KCNIP4: variants seen among roughly 807,000 people sequenced by gnomAD.
KCNIP4 encodes the protein Kv channel-interacting protein 4.
Under a neutral mutation model 34.0 loss-of-function variants are expected in KCNIP4, and 12 were observed. The ratio of observed to expected loss-of-function variants is 0.35; its 90% CI spans 0.23 to 0.57. The LOEUF (loss-of-function observed/expected upper bound fraction) is 0.57. Among genes scored for constraint, KCNIP4 ranks in the 20% least tolerant of loss-of-function variants. KCNIP4 has a pLI of 0.83. For missense variants in KCNIP4, 238 were observed against 311.7 expected (o/e 0.76, Z 1.78); for synonymous variants, 124 against 102.2 (o/e 1.21, Z -1.29).
At chr4:20,780,936 C>G (rs1055148103) in intron 3 of KCNIP4, among the ~76,000 whole-genome samples, 3 of 152,102 alleles carry the variant, frequency 2.0e-5, no homozygotes, top group East Asian at 1.9e-4. Flanking sequence ...TTTTCTTGCT[C>G]TTTGTTCTTT....
chr4:21,312,005 A>T lies in KCNIP4; in HGVS notation c.62-429296T>A, dbSNP rs573591542. ...ATTTGGTCTAGTTCCATGACTAGAC[A>T]ATATCCTTAATGATGAAGGATCAAC... On this transcript the variant is annotated intron_variant, in intron 1 of 8. Coordinates refer to ENST00000382152, the MANE Select transcript of KCNIP4 (RefSeq NM_025221.6). Among the ~76,000 whole-genome samples, 6 of 152,292 alleles carry T rather than the reference A, an allele frequency of 3.9e-5. No homozygotes were observed. In the South Asian group the frequency reaches 1.2e-3, roughly 32 times the overall value.
At chr4:21,786,688 C>T (rs1010435476) in intron 1 of KCNIP4, among the ~76,000 whole-genome samples, 4 of 151,728 alleles carry the variant, frequency 2.6e-5, no homozygotes, top group Non-Finnish European at 2.9e-5. Context: ...CTGCCTCAGC[C>T]TCCCGAGTAG....
intron 1 of KCNIP4, among the ~76,000 whole-genome samples, chr4:20,977,995 C>T (rs1333029934): frequency 6.6e-6 from 1 of 152,204 alleles, no homozygotes; most frequent in African/African-American, 2.4e-5. Flanking sequence ...TGACTATCCT[C>T]CCTTCCCTTC....
chr4:20,980,704 A>G (rs1164848950), intron 1 of KCNIP4, among the ~76,000 whole-genome samples: 1 of 152,078 alleles, frequency 6.6e-6, no homozygotes, highest in Non-Finnish European at 1.5e-5. Flanking sequence ...CCATGATGGT[A>G]CCATTGAGGT....
At position 21,097,409 on chromosome 4, in the gene KCNIP4, A is replaced by AT. The variant is rs548234805; in HGVS notation, c.62-214701dup. 5.9e-3 allele frequency among the ~76,000 whole-genome samples: 901 copies of AT among 152,092 alleles called. 9 individuals are homozygous for AT. The highest frequency in any genetic ancestry group is 9.9e-3 in the Non-Finnish European group (674 of 67,952). ...TTTTATTGTGCCTTGCAGATACCAC[A>AT]TTTTTTTTACAAACTAAAGATTTTT... On this transcript the variant is annotated intron_variant, in intron 1 of 8. Coordinates refer to ENST00000382152, the MANE Select transcript of KCNIP4 (RefSeq NM_025221.6).
intron 1 of KCNIP4, among the ~76,000 whole-genome samples, chr4:21,244,028 G>A (rs1409909555): frequency 6.6e-6 from 1 of 152,146 alleles, no homozygotes; most frequent in African/African-American, 2.4e-5. Flanking sequence ...TTGCTGAAAT[G>A]GCTTTCCATA....
chr4:20,775,229 T>C (rs1756271077), intron 3 of KCNIP4, among the ~76,000 whole-genome samples: 1 of 152,160 alleles, frequency 6.6e-6, no homozygotes. Context: ...TTTCAACATA[T>C]ATGGCGATTA....
intron 1 of KCNIP4, among the ~76,000 whole-genome samples, chr4:21,138,809 A>G (rs371776784): frequency 1.1e-4 from 17 of 152,136 alleles, no homozygotes; most frequent in African/African-American, 3.9e-4. Context: ...CTCGGCCGCC[A>G]TGGCTGGCTT....
chr4:21,453,248 G>A (rs1728662905), intron 1 of KCNIP4, among the ~76,000 whole-genome samples: 1 of 152,028 alleles, frequency 6.6e-6, no homozygotes, highest in South Asian at 2.1e-4. Context: ...AGAGGATAAT[G>A]ACTTAAAATT....
At position 21,543,805 on chromosome 4, in the gene KCNIP4, T is replaced by TTAAG. The variant is rs1476791529; in HGVS notation, c.61+404762_61+404765dup. Among the ~76,000 whole-genome samples the TTAAG allele has an allele frequency of 2.0e-5, 3 of 152,308 alleles. No homozygotes were observed. The East Asian group carries it at 5.8e-4, about 29-fold the overall frequency. On this transcript the variant is annotated intron_variant, in intron 1 of 8. Transcript: ENST00000382152. ...GCCAGGGAAGAAGACCTTTTTCCTT[T>TTAAG]TAAGTGTTGATTTTCATTATAGATT...
chr4:21,278,822 T>A (rs1013417823), intron 1 of KCNIP4, among the ~76,000 whole-genome samples: 3 of 152,104 alleles, frequency 2.0e-5, no homozygotes, highest in Non-Finnish European at 2.9e-5. Context: ...TACAGAAACT[T>A]TGGCAAATGA....
At chr4:21,022,052 G>A (rs929077946) in intron 1 of KCNIP4, among the ~76,000 whole-genome samples, 7 of 152,146 alleles carry the variant, frequency 4.6e-5, no homozygotes, top group Admixed American at 1.3e-4. Flanking sequence ...GAGTTATGAT[G>A]TTATGGCGGC....
At chr4:21,053,040 T>C (rs569738754) in intron 1 of KCNIP4, among the ~76,000 whole-genome samples, 1,867 of 137,900 alleles carry the variant, frequency 0.014, 39 homozygotes, top group African/African-American at 0.05. Flanking sequence ...CACACACACA[T>C]ATATATATAT....
At chr4:21,039,088 G>A (rs1457837776) in intron 1 of KCNIP4, among the ~76,000 whole-genome samples, 9 of 152,110 alleles carry the variant, frequency 5.9e-5, no homozygotes, top group Non-Finnish European at 1.3e-4. Flanking sequence ...GGCTGGGCGC[G>A]GTGGCTCATG....
intron 1 of KCNIP4, among the ~76,000 whole-genome samples, chr4:21,747,815 A>G: frequency 6.6e-6 from 1 of 152,146 alleles, no homozygotes; most frequent in Admixed American, 6.6e-5. Flanking sequence ...GGTCTTTCCA[A>G]ATATAACTAA....
At chr4:21,678,303 T>C (rs893359385) in intron 1 of KCNIP4, among the ~76,000 whole-genome samples, 4 of 98,220 alleles carry the variant, frequency 4.1e-5, no homozygotes, top group African/African-American at 1.7e-4. Context: ...AATCTTCTTT[T>C]GATTTTTTTT....
chr4:21,857,909 G>A (rs7691548), intron 1 of KCNIP4, among the ~76,000 whole-genome samples: 18,975 of 152,218 alleles, frequency 0.12, 3,512 homozygotes, highest in African/African-American at 0.41. Flanking sequence ...TTGGGGTTCT[G>A]CAGTTTCTGG....
intron 1 of KCNIP4, among the ~76,000 whole-genome samples, chr4:21,836,971 G>A (rs1723364650): frequency 7.0e-6 from 1 of 143,838 alleles, no homozygotes; most frequent in African/African-American, 2.6e-5. Context: ...AGGCTGGAAT[G>A]CAGTGGCACG....
chr4:21,933,296 A>G (rs939738009), intron 1 of KCNIP4, among the ~76,000 whole-genome samples: 4 of 152,044 alleles, frequency 2.6e-5, no homozygotes, highest in African/African-American at 9.7e-5. Context: ...CAAATATTTA[A>G]TAAAACTCAG....
Sources: gnomAD v4.1 joint callset for allele counts (sites outside exome capture counted in the v4.1 genomes callset) on GRCh38, gnomAD v4.1.1 for gene constraint, MANE v1.5 for transcripts, NCBI Gene and HGNC (gene_info 2026-07-23, HGNC 2026-07-21) for gene names.